Variants in RAD51B observed in about 807,000 individuals in gnomAD.
The protein encoded by RAD51B is DNA repair protein RAD51 homolog 2.
A neutral mutation model predicts 42.2 loss-of-function variants in RAD51B; 38 were observed. The observed-to-expected ratio is 0.90, with a 90% CI of 0.70 to 1.18. The LOEUF (loss-of-function observed/expected upper bound fraction) is 1.18. RAD51B is among the 50% of genes most tolerant of loss of function. RAD51B has a pLI of 0.00. For missense variants in RAD51B, 373 were observed against 400.7 expected (o/e 0.93, Z 0.59); for synonymous variants, 154 against 145.2 (o/e 1.06, Z -0.43).
intron 7 of RAD51B, among the ~76,000 whole-genome samples, chr14:67,977,124 T>C (rs1208238877): frequency 6.6e-6 from 1 of 152,212 alleles, no homozygotes; most frequent in Non-Finnish European, 1.5e-5. Context: ...AAACAGTGCC[T>C]TTCTTTATTT....
intron 10 of RAD51B, among the ~76,000 whole-genome samples, chr14:68,552,496 T>A (rs1404497330): frequency 2.0e-5 from 3 of 152,184 alleles, no homozygotes; most frequent in Non-Finnish European, 4.4e-5. Flanking sequence ...TAACCCCTTG[T>A]CTCACCAGTG....
At chr14:68,220,484 C>T (rs1404711764) in intron 7 of RAD51B, among the ~76,000 whole-genome samples, 2 of 152,166 alleles carry the variant, frequency 1.3e-5, no homozygotes, top group Non-Finnish European at 2.9e-5. Flanking sequence ...TATAAGCCGT[C>T]TATGACACAC....
intron 8 of RAD51B, among the ~76,000 whole-genome samples, chr14:68,394,919 T>C (rs2083869276): frequency 1.3e-5 from 2 of 152,108 alleles, no homozygotes; most frequent in Non-Finnish European, 2.9e-5. Flanking sequence ...CCGCCTGCTC[T>C]TTTTCTCAGT....
chr14:68,149,297 T>C (rs2078323457), intron 7 of RAD51B, among the ~76,000 whole-genome samples: 1 of 152,216 alleles, frequency 6.6e-6, no homozygotes, highest in Non-Finnish European at 1.5e-5. Flanking sequence ...CCTAGATTTT[T>C]TTCTATGTTA....
At chr14:68,556,463 C>T (rs536673234) in intron 10 of RAD51B, among the ~76,000 whole-genome samples, 2 of 152,302 alleles carry the variant, frequency 1.3e-5, no homozygotes, top group Admixed American at 1.3e-4. Flanking sequence ...GAGTTCAGCC[C>T]AGGCTACCCA....
At chr14:68,295,938 TTGTATACCTTTG>T (rs1239235379) in intron 8 of RAD51B, among the ~76,000 whole-genome samples, 1 of 152,116 alleles carries the variant, frequency 6.6e-6, no homozygotes, top group Non-Finnish European at 1.5e-5. Context: ...ACTTCTGATT[TTGTATACCTTTG>T]TGTGGAGACA....
intron 8 of RAD51B, among the ~76,000 whole-genome samples, chr14:68,393,188 T>A (rs1318857117): frequency 6.6e-6 from 1 of 152,200 alleles, no homozygotes; most frequent in Non-Finnish European, 1.5e-5. Flanking sequence ...GACTTATCAA[T>A]TGAGCTATTT....
At chr14:67,995,611 C>CTTTTTTTT (rs759241351) in intron 7 of RAD51B, among the ~76,000 whole-genome samples, 1 of 142,004 alleles carries the variant, frequency 7.0e-6, no homozygotes. Context: ...ATTTTATATT[C>CTTTTTTTT]TTTTTTTTTT....
chr14:68,076,683 A>G (rs978328317), intron 7 of RAD51B, among the ~76,000 whole-genome samples: 3 of 152,254 alleles, frequency 2.0e-5, no homozygotes, highest in African/African-American at 7.2e-5. Flanking sequence ...AACACACCCA[A>G]GGACCTTTCT....
chr14:68,000,628 ACTTTT>A (rs1321741429), intron 7 of RAD51B, among the ~76,000 whole-genome samples: 2 of 152,104 alleles, frequency 1.3e-5, no homozygotes, highest in African/African-American at 4.8e-5. Context: ...AGTTTACTTC[ACTTTT>A]CCAGTGGGTA....
chr14:68,147,286 C>T (rs932707572), intron 7 of RAD51B, among the ~76,000 whole-genome samples: 3 of 152,170 alleles, frequency 2.0e-5, no homozygotes, highest in African/African-American at 7.2e-5. Context: ...GTCCTGGAAT[C>T]TACTTTTAAA....
intron 9 of RAD51B, among the ~76,000 whole-genome samples, chr14:68,433,861 TC>T (rs1410844265): frequency 2.6e-5 from 4 of 152,218 alleles, no homozygotes; most frequent in Non-Finnish European, 4.4e-5. Flanking sequence ...CTCTGTTTTT[TC>T]CCCATCTTTG....
At chr14:67,834,920 C>T (rs1033314831) in intron 3 of RAD51B, among the ~76,000 whole-genome samples, 160 bp from the exon 4 acceptor site, 4 of 152,072 alleles carry the variant, frequency 2.6e-5, no homozygotes, top group African/African-American at 9.7e-5. Context: ...TAATCTAGCA[C>T]AGTCCCTGGC....
intron 7 of RAD51B, among the ~76,000 whole-genome samples, chr14:67,898,880 T>A (rs1447431195): frequency 6.6e-6 from 1 of 152,194 alleles, no homozygotes; most frequent in East Asian, 1.9e-4. Flanking sequence ...GTTTAAAGGT[T>A]TTATTATCTT....
chr14:67,849,736 C>T (rs199846058), intron 4 of RAD51B, among the ~76,000 whole-genome samples: 2 of 152,178 alleles, frequency 1.3e-5, no homozygotes, highest in African/African-American at 4.8e-5. Context: ...CTAATTGATT[C>T]CTTTTTAAGA....
chr14:67,844,804 G>A (rs879878531), intron 4 of RAD51B, among the ~76,000 whole-genome samples: 2 of 151,888 alleles, frequency 1.3e-5, no homozygotes, highest in Admixed American at 6.6e-5. Flanking sequence ...AGTGTGTGAT[G>A]TTCCCCTTCA....
chr14:68,214,046 A>G (rs1013281535), intron 7 of RAD51B, among the ~76,000 whole-genome samples: 5 of 152,184 alleles, frequency 3.3e-5, no homozygotes, highest in East Asian at 1.9e-4. Context: ...TGTGGCTACA[A>G]TCAGGCCTTT....
At chr14:68,026,844 C>T (rs1411398316) in intron 7 of RAD51B, among the ~76,000 whole-genome samples, 2 of 152,046 alleles carry the variant, frequency 1.3e-5, no homozygotes, top group Non-Finnish European at 2.9e-5. Flanking sequence ...TTTACATTCA[C>T]GGTTAGTATT....
intron 7 of RAD51B, among the ~76,000 whole-genome samples, chr14:68,268,274 T>A (rs1307572193): frequency 6.6e-6 from 1 of 152,242 alleles, no homozygotes; most frequent in East Asian, 1.9e-4. Flanking sequence ...ATACACATCA[T>A]GCAGCCATTT....
Sources: gnomAD v4.1 joint callset for allele counts (sites outside exome capture counted in the v4.1 genomes callset) on GRCh38, gnomAD v4.1.1 for gene constraint, MANE v1.5 for transcripts, NCBI Gene and HGNC (gene_info 2026-07-23, HGNC 2026-07-21) for gene names.